Variants in SYTL3 observed in about 807,000 individuals in gnomAD.
SYTL3 encodes synaptotagmin like 3.
SYTL3 carries 88 observed loss-of-function variants against 82.1 expected under a neutral mutation model. The ratio of observed to expected loss-of-function variants is 1.07; its 90% CI spans 0.90 to 1.28. The LOEUF is 1.28. Among genes scored for constraint, SYTL3 ranks in the 50% most tolerant of loss-of-function variants. The pLI, the probability that SYTL3 is intolerant of heterozygous loss-of-function variation, is 0.00. For synonymous variants in SYTL3, 311 were observed against 289.4 expected (o/e 1.07, Z -0.76); for missense variants, 831 against 757.6 (o/e 1.10, Z -1.14).
intron 11 of SYTL3, among the ~76,000 whole-genome samples, chr6:158,744,942 C>T (rs2128512450): frequency 6.6e-6 from 1 of 152,206 alleles, no homozygotes; most frequent in South Asian, 2.1e-4. Flanking sequence ...TTTACTGTTA[C>T]CATTGGGTGC....
At chr6:158,710,233 A>C (rs929810899) in intron 8 of SYTL3, among the ~76,000 whole-genome samples, 1 of 152,202 alleles carries the variant, frequency 6.6e-6, no homozygotes, top group Non-Finnish European at 1.5e-5. Flanking sequence ...GTAGAAATAC[A>C]CATTACTATG....
chr6:158,679,206 CA>C (rs1322362768), intron 5 of SYTL3, among the ~76,000 whole-genome samples: 2 of 152,032 alleles, frequency 1.3e-5, no homozygotes, highest in Non-Finnish European at 2.9e-5. Context: ...CCTGTCTCTA[CA>C]AAAAATACAA....
chr6:158,700,415 C>T (rs984301353), intron 6 of SYTL3, among the ~76,000 whole-genome samples: 50 of 151,986 alleles, frequency 3.3e-4, no homozygotes, highest in African/African-American at 4.6e-4. Context: ...CCACACCCGG[C>T]GTCACTTATT....
Position 158,738,800 on chromosome 6 carries a change from G to A in SYTL3, c.856-6680G>A, listed in dbSNP as rs548464088. Reference sequence around the variant, plus strand: ...AGCCTACCAAGTAGCTGAGATGACAGGTGTGTGCCACCGTGCCCAGCTAAT... The same window carrying A: ...AGCCTACCAAGTAGCTGAGATGACAAGTGTGTGCCACCGTGCCCAGCTAAT... On this transcript the variant is annotated intron_variant, in intron 11 of 17. Transcript: ENST00000611299. Among the ~76,000 whole-genome samples the A allele has an allele frequency of 3.5e-3, 534 of 152,336 alleles. 2 individuals carry two copies. The highest frequency in any genetic ancestry group is 0.01 in the Middle Eastern group (3 of 294).
At chr6:158,727,464 C>A (rs7768147) in intron 11 of SYTL3, among the ~76,000 whole-genome samples, 27,347 of 152,052 alleles carry the variant, frequency 0.18, 3,046 homozygotes, top group Non-Finnish European at 0.25. Context: ...AGCCACCGCA[C>A]CCGGCCTAGA....
At position 158,749,507 on chromosome 6, in the gene SYTL3, CTTT is replaced by C. The variant is rs765386344; in HGVS notation, c.1035-2398_1035-2396del. 3.0e-4 allele frequency among the ~76,000 whole-genome samples: 20 copies of C among 66,028 alleles called. No individual in the cohort carries two copies. The South Asian group carries it at 3.2e-3, about 11-fold the overall frequency. The allele number at this position is 66,028 out of a possible 152,430, so 43.3% of individuals were successfully genotyped here. On this transcript the variant is annotated intron_variant, in intron 12 of 17. Coordinates refer to ENST00000611299, the MANE Select transcript of SYTL3 (RefSeq NM_001242394.2). ...AATGAACACCTTCTTTTCTTTCTCTCTTTTTTTTTTTTTTTTTTTTTTTTTAAG... is the reference window on the plus strand; with the variant it reads ...AATGAACACCTTCTTTTCTTTCTCTCTTTTTTTTTTTTTTTTTTTTTTAAG...
chr6:158,742,091 A>G (rs1786997639), intron 11 of SYTL3, among the ~76,000 whole-genome samples: 1 of 152,248 alleles, frequency 6.6e-6, no homozygotes, highest in Non-Finnish European at 1.5e-5. Flanking sequence ...TTGAACTCGA[A>G]TAAGAAAACT....
At position 158,760,287 on chromosome 6, in the gene SYTL3, G is replaced by A. The variant is rs963113223; in HGVS notation, c.1309-353G>A. Among the ~76,000 whole-genome samples, 14 of 152,170 alleles carry A rather than the reference G, an allele frequency of 9.2e-5. No homozygotes were observed. In the East Asian group the frequency reaches 2.3e-3, roughly 25 times the overall value. ...TCTACTGACCTGGGTGGGGTGGATGGGGTGGAGGCTTGAGTTCATTTCTGT... is the reference window on the plus strand; with the variant it reads ...TCTACTGACCTGGGTGGGGTGGATGAGGTGGAGGCTTGAGTTCATTTCTGT... On this transcript the variant is annotated intron_variant, in intron 14 of 17. Transcript: ENST00000611299.
intron 11 of SYTL3, 67 bp downstream of exon 11, chr6:158,725,704 C>T (rs1048707461): frequency 6.4e-7 from 1 of 1,564,002 alleles, no homozygotes; most frequent in Non-Finnish European, 8.7e-7. Flanking sequence ...GCATAATGTA[C>T]AAGTCCTTAT....
chr6:158,679,050 A>G (rs1778365309), intron 5 of SYTL3, among the ~76,000 whole-genome samples: 1 of 152,168 alleles, frequency 6.6e-6, no homozygotes, highest in South Asian at 2.1e-4. Context: ...ATAGACTCTA[A>G]GGGCAGTGAG....
rs915350652 is a variant in SYTL3 at position 158,725,556 on chromosome 6, C to T, written c.774C>T (p.Cys258=). The change falls in exon 11 of 18, where the codon TGC becomes TGT. Residue 258 remains cysteine, a synonymous_variant. Coordinates refer to ENST00000611299, the MANE Select transcript of SYTL3 (RefSeq NM_001242394.2). ...LKPLNQEDPK[C]STNPILKQQN... ...CTCTCAATCAAGAGGATCCCAAATG[C>T]TCTACTAACCCTATTTTGAAGCAAC... is the stretch of plus-strand genomic sequence containing the variant. The T allele has an allele frequency of 6.2e-7, 1 of 1,614,182 alleles. No individual in the cohort carries two copies. The highest frequency in any genetic ancestry group is 2.2e-5 in the East Asian group (1 of 44,894).
intron 6 of SYTL3, among the ~76,000 whole-genome samples, chr6:158,691,652 CT>C (rs146225570): frequency 0.079 from 11,805 of 149,722 alleles, 542 homozygotes; most frequent in Middle Eastern, 0.12. Context: ...TAATATTAAA[CT>C]TTTTTTTTTC....
chr6:158,748,372 T>C, intron 12 of SYTL3, among the ~76,000 whole-genome samples: 1 of 152,250 alleles, frequency 6.6e-6, no homozygotes, highest in East Asian at 1.9e-4. Flanking sequence ...CCTATTGTTC[T>C]AGTCTTAGCT....
chr6:158,668,102 T>C (rs917618835), intron 5 of SYTL3, among the ~76,000 whole-genome samples: 17 of 152,328 alleles, frequency 1.1e-4, no homozygotes, highest in African/African-American at 3.8e-4. Context: ...AGATGGTTTG[T>C]CCATGTCATA....
chr6:158,655,171 A>G (rs915114937), intron 2 of SYTL3, among the ~76,000 whole-genome samples: 1 of 152,192 alleles, frequency 6.6e-6, no homozygotes, highest in African/African-American at 2.4e-5. Flanking sequence ...ATTAACATAC[A>G]ATTTCAAAGA....
chr6:158,654,861 A>G (rs529646082), intron 2 of SYTL3, among the ~76,000 whole-genome samples: 47 of 152,276 alleles, frequency 3.1e-4, no homozygotes, highest in Middle Eastern at 3.4e-3. Flanking sequence ...GTTTCCTTCC[A>G]GGTGGTGCTG....
At chr6:158,753,135 G>A (rs1340006613) in intron 13 of SYTL3, among the ~76,000 whole-genome samples, 5 of 140,614 alleles carry the variant, frequency 3.6e-5, no homozygotes, top group Non-Finnish European at 4.5e-5. Context: ...AGGCTGGAGT[G>A]CAGTGACATG....
intron 8 of SYTL3, 33 bp downstream of exon 8, chr6:158,708,424 G>A: frequency 6.3e-7 from 1 of 1,594,620 alleles, no homozygotes; most frequent in Non-Finnish European, 8.6e-7. Flanking sequence ...TTCTCTAGTA[G>A]GGGTCAGGGG....
upstream of SYTL3, among the ~76,000 whole-genome samples, chr6:158,645,598 A>T (rs1787386817): frequency 6.6e-6 from 1 of 152,198 alleles, no homozygotes. Flanking sequence ...TTCAAATCCC[A>T]CATCTAATCC....
Sources: allele counts gnomAD v4.1 joint callset (sites outside exome capture counted in the v4.1 genomes callset), GRCh38; gene constraint gnomAD v4.1.1; transcripts MANE v1.5; gene names NCBI Gene and HGNC (gene_info 2026-07-23, HGNC 2026-07-21).